The following PTPRD variants were observed in gnomAD, a reference collection of about 807,000 sequenced individuals.
The protein encoded by PTPRD is protein tyrosine phosphatase receptor type D.
A neutral mutation model predicts 214.5 loss-of-function variants in PTPRD; 34 were observed. The observed-to-expected ratio is 0.16, with a 90% CI of 0.12 to 0.21. The LOEUF (loss-of-function observed/expected upper bound fraction) is 0.21. Ranked by LOEUF, PTPRD falls within the 10% of genes least tolerant of loss-of-function variation. The pLI, the probability that PTPRD is intolerant of heterozygous loss-of-function variation, is 1.00. For missense variants in PTPRD, 2,545 were observed against 2,398.7 expected (o/e 1.06, Z -1.27); for synonymous variants, 1,128 against 845.7 (o/e 1.33, Z -5.79).
chr9:9,313,473 T>A (rs1165453212), intron 9 of PTPRD, among the ~76,000 whole-genome samples: 2 of 151,994 alleles, frequency 1.3e-5, no homozygotes, highest in African/African-American at 4.8e-5. Context: ...GACCTCAGAG[T>A]TCACCCAGCA....
intron 5 of PTPRD, among the ~76,000 whole-genome samples, chr9:9,861,207 CA>C (rs1478961113): frequency 6.6e-6 from 1 of 152,058 alleles, no homozygotes; most frequent in Non-Finnish European, 1.5e-5. Flanking sequence ...TCTATTACCC[CA>C]CTGAGATACA....
intron 3 of PTPRD, among the ~76,000 whole-genome samples, chr9:10,320,903 G>T (rs765922042): frequency 1.3e-5 from 2 of 151,868 alleles, no homozygotes. Flanking sequence ...AATTTTTGTG[G>T]TTTTTGTAGA....
rs114669237 is a variant in PTPRD, at chr9:9,256,958, T to C, written c.-202-73595A>G. Among the ~76,000 whole-genome samples the C allele has an allele frequency of 3.8e-3, 573 of 152,154 alleles. 4 individuals carry two copies. The highest frequency in any genetic ancestry group is 0.013 in the African/African-American group (532 of 41,554). Reference sequence around the variant, plus strand: ...CCATCCCCAGAAAAAGAAAAGCCTTTATTCTTGCTCATGCCCCACTTCTCT... The same window carrying C: ...CCATCCCCAGAAAAAGAAAAGCCTTCATTCTTGCTCATGCCCCACTTCTCT... On this transcript the variant is annotated intron_variant, in intron 9 of 45. Coordinates refer to ENST00000381196, the MANE Select transcript of PTPRD (RefSeq NM_002839.4).
At chr9:9,430,981 A>T (rs2082867703) in intron 8 of PTPRD, among the ~76,000 whole-genome samples, 1 of 152,238 alleles carries the variant, frequency 6.6e-6, no homozygotes, top group Non-Finnish European at 1.5e-5. Context: ...ACCATTCAGG[A>T]CATAGGCATG....
At chr9:9,057,309 G>A (rs1261148302) in intron 10 of PTPRD, among the ~76,000 whole-genome samples, 1 of 151,908 alleles carries the variant, frequency 6.6e-6, no homozygotes, top group Non-Finnish European at 1.5e-5. Flanking sequence ...TTTTTTCTAA[G>A]AATCGAAGTA....
intron 8 of PTPRD, among the ~76,000 whole-genome samples, chr9:9,409,973 A>G (rs1397341701): frequency 6.6e-6 from 1 of 152,176 alleles, no homozygotes; most frequent in Non-Finnish European, 1.5e-5. Context: ...CTGTCTGACT[A>G]CCATCTTTTA....
chr9:10,481,531 G>C (rs1429377200), intron 2 of PTPRD, among the ~76,000 whole-genome samples: 2 of 152,122 alleles, frequency 1.3e-5, no homozygotes, highest in African/African-American at 2.4e-5. Flanking sequence ...AGAAGACAAG[G>C]ATTTGCCTGA....
intron 10 of PTPRD, among the ~76,000 whole-genome samples, chr9:9,117,360 C>T (rs998317637): frequency 1.3e-5 from 2 of 151,870 alleles, no homozygotes; most frequent in Non-Finnish European, 2.9e-5. Flanking sequence ...GTTTTACTTA[C>T]TAACCTACCA....
chr9:8,554,117 G>A (rs1176208500), intron 14 of PTPRD, among the ~76,000 whole-genome samples: 1 of 152,154 alleles, frequency 6.6e-6, no homozygotes, highest in Non-Finnish European at 1.5e-5. Flanking sequence ...GAACCCAGGA[G>A]GCGAAGGTTG....
chr9:9,710,215 TTTTCC>T (rs2097699491), intron 7 of PTPRD, among the ~76,000 whole-genome samples: 1 of 152,122 alleles, frequency 6.6e-6, no homozygotes, highest in South Asian at 2.1e-4. Context: ...ATTTACTCCA[TTTTCC>T]TTTTTTTCTT....
At chr9:9,194,404 T>A (rs1392302512) in intron 9 of PTPRD, among the ~76,000 whole-genome samples, 2 of 152,158 alleles carry the variant, frequency 1.3e-5, no homozygotes, top group Non-Finnish European at 2.9e-5. Flanking sequence ...TGTACATAAT[T>A]TTATGTGCTC....
In PTPRD at chr9:10,576,981, C is replaced by T. The variant is rs552383769; in HGVS notation, c.-600+35417G>A. 2.6e-5 allele frequency among the ~76,000 whole-genome samples: 4 copies of T among 151,226 alleles called. No homozygotes were observed. The South Asian group carries it at 6.3e-4, about 24-fold the overall frequency. ...ATTTTATTTCTACTTTTTTTTTTAA[C>T]ATTTAAAGGGCTTGAAATAGAAATG... On this transcript the variant is annotated intron_variant, in intron 2 of 45. Coordinates refer to ENST00000381196, the MANE Select transcript of PTPRD (RefSeq NM_002839.4).
In PTPRD at chr9:9,730,738, G is replaced by T. The variant is rs2098174460; in HGVS notation, c.-287+3795C>A. Among the ~76,000 whole-genome samples, 3 of 152,078 alleles carry T rather than the reference G, an allele frequency of 2.0e-5. No homozygotes were observed. In the South Asian group the frequency reaches 6.2e-4, roughly 31 times the overall value. On this transcript the variant is annotated intron_variant, in intron 7 of 45. Transcript: ENST00000381196. ...CTCAGCATCTTGATTCATTAAGTAT[G>T]AGACTGTAGATGAACTAATTAAGCT...
chr9:8,320,556 T>C (rs1826346590), intron 44 of PTPRD, among the ~76,000 whole-genome samples: 1 of 152,084 alleles, frequency 6.6e-6, no homozygotes, highest in Non-Finnish European at 1.5e-5. Context: ...TTTATGACTA[T>C]CCTGTAAGTG....
intron 14 of PTPRD, among the ~76,000 whole-genome samples, chr9:8,567,154 T>C (rs1475963041): frequency 2.0e-5 from 3 of 152,200 alleles, no homozygotes; most frequent in Non-Finnish European, 4.4e-5. Flanking sequence ...AATGAATAAC[T>C]ACCAGAAATG....
At chr9:8,825,234 T>C (rs1485326568) in intron 11 of PTPRD, among the ~76,000 whole-genome samples, 1 of 152,210 alleles carries the variant, frequency 6.6e-6, no homozygotes, top group Non-Finnish European at 1.5e-5. Flanking sequence ...TTAGGCAAGG[T>C]ATGTGGCCAG....
At chr9:10,412,679 T>C (rs2098449551) in intron 2 of PTPRD, among the ~76,000 whole-genome samples, 1 of 150,676 alleles carries the variant, frequency 6.6e-6, no homozygotes. Context: ...TTGAAGCCAA[T>C]ATTCTTGATG....
chr9:10,188,382 T>C (rs2099347350), intron 3 of PTPRD, among the ~76,000 whole-genome samples: 1 of 152,156 alleles, frequency 6.6e-6, no homozygotes, highest in Non-Finnish European at 1.5e-5. Context: ...GTAATCTGAA[T>C]GAAAATTCCT....
chr9:9,600,355 A>C (rs2154336811), intron 7 of PTPRD, among the ~76,000 whole-genome samples: 1 of 152,228 alleles, frequency 6.6e-6, no homozygotes, highest in South Asian at 2.1e-4. Flanking sequence ...ATACAACTGT[A>C]ATAAATTATT....
Sources: allele counts gnomAD v4.1 joint callset (sites outside exome capture counted in the v4.1 genomes callset), GRCh38; gene constraint gnomAD v4.1.1; transcripts MANE v1.5; gene names NCBI Gene and HGNC (gene_info 2026-07-23, HGNC 2026-07-21).